The following CCL15 variants were observed in gnomAD, a reference collection of about 807,000 sequenced individuals.
The protein encoded by CCL15 is C-C motif chemokine 15.
A neutral mutation model predicts 10.6 loss-of-function variants in CCL15; 8 were observed. The observed-to-expected ratio is 0.75, with a 90% CI of 0.44 to 1.36. CCL15 has a LOEUF of 1.36. CCL15 is among the 40% of genes most tolerant of loss of function. CCL15 has a pLI of 0.00. For synonymous variants in CCL15, 51 were observed against 48.8 expected, an observed-to-expected ratio of 1.04 and a Z score of -0.19; for missense variants, 128 against 136.6, an observed-to-expected ratio of 0.94 and a Z score of 0.32.
rs141810667 is a variant in CCL15 at position 35,998,904 on chromosome 17, A to G, written c.98T>C (p.Met33Thr). The stretch of plus-strand genomic sequence containing the variant: ...TGGATTTTCCAGTGGAAGCTTTGAC[A>G]TCATTAACTCTGTCTCTGCATCTGA... ...FTNDAETELM[M>T]SKLPLENPVV... Residue 33 changes from methionine to threonine, a missense_variant, in exon 2 of 4, where the codon ATG (methionine) becomes ACG (threonine). Physicochemically the swap from Met to Thr is moderately conservative, Grantham distance 81. Transcript: ENST00000617897. 4.6e-5 allele frequency: 75 copies of G among 1,613,882 alleles called. 1 individual carries two copies. Among genetic ancestry groups the G allele is most frequent in the Non-Finnish European group, 6.2e-5 (73 of 1,179,824 alleles).
rs750227963 is a variant in CCL15 at position 35,998,309 on chromosome 17, C to G, written c.219G>C (p.Thr73=). ...PCSLMKSYFE[T]SSECSKPGVI... ...CACCTGGCTTGGAGCACTCGCTGCT[C>G]GTTTCAAAATAACTTTTCATGAGTG... is the stretch of plus-strand genomic sequence containing the variant. The change falls in exon 3 of 4, where the codon ACG becomes ACC. Residue 73 remains threonine (T), a synonymous_variant. Transcript: ENST00000617897. 5.6e-6 allele frequency: 9 copies of G among 1,613,814 alleles called. No homozygotes were observed. The highest frequency in any genetic ancestry group is 7.6e-6 in the Non-Finnish European group (9 of 1,179,870).
At chr17:36,000,785 G>A (rs2089985988) in intron 1 of CCL15, among the ~76,000 whole-genome samples, 1 of 151,732 alleles carries the variant, frequency 6.6e-6, no homozygotes, top group African/African-American at 2.4e-5. Context: ...CCCAATAAAG[G>A]TTCTGGCATA....
intron 1 of CCL15, among the ~76,000 whole-genome samples, chr17:35,999,386 A>G (rs1193119926): frequency 6.6e-6 from 1 of 152,180 alleles, no homozygotes; most frequent in East Asian, 1.9e-4. Flanking sequence ...TGTTTGCTAC[A>G]GAAAAATTGC....
intron 3 of CCL15, 109 bp from the exon 4 acceptor site, chr17:35,997,969 TC>T: frequency 2.6e-6 from 2 of 764,994 alleles, no homozygotes; most frequent in Non-Finnish European, 4.6e-6. Context: ...GCCTGTTTTT[TC>T]CTTTCTCTGC....
chr17:36,000,860 A>G (rs977137613), intron 1 of CCL15, among the ~76,000 whole-genome samples: 1 of 151,546 alleles, frequency 6.6e-6, no homozygotes, highest in Non-Finnish European at 1.5e-5. Context: ...CCTGCCCTGG[A>G]TGCTTCCCTT....
chr17:35,997,655 C>A lies in CCL15; in HGVS notation c.*112G>T, dbSNP rs187293873. On this transcript the variant is annotated 3_prime_UTR_variant, in exon 4 of 4. Transcript: ENST00000617897. ...AAAATTGAATACTCTTTATTAGATG[C>A]ATTACTTTCATTACCAGACACAACA... 37 of 657,596 alleles carry A rather than the reference C, an allele frequency of 5.6e-5. No homozygotes were observed. In the Admixed American group the frequency reaches 9.0e-4, roughly 16 times the overall value. 40.7% of individuals were successfully genotyped at this position (657,596 alleles called of 1,614,324 possible).
rs184585506 is a variant in CCL15 at position 36,001,368 on chromosome 17, T to C, written c.76+49A>G. ...TCACAACATGTCTCCGTCCCAGAGCTTGAGTTACCATGGACCTGGTCACCT... is the reference window on the plus strand; with the variant it reads ...TCACAACATGTCTCCGTCCCAGAGCCTGAGTTACCATGGACCTGGTCACCT... On this transcript the variant is annotated intron_variant, in intron 1 of 3. Transcript: ENST00000617897. 50 of 1,611,280 alleles carry C rather than the reference T, an allele frequency of 3.1e-5. No individual in the cohort carries two copies. In the African/African-American group the frequency reaches 6.1e-4, roughly 20 times the overall value.
chr17:35,998,214 G>T, intron 3 of CCL15, 66 bp downstream of exon 3: 2 of 1,061,076 alleles, frequency 1.9e-6, no homozygotes, highest in Non-Finnish European at 2.9e-6. Flanking sequence ...CATCCGTCGT[G>T]TCCTCCCTGC....
intron 1 of CCL15, among the ~76,000 whole-genome samples, chr17:35,999,514 G>T (rs2089963561): frequency 6.6e-6 from 1 of 151,228 alleles, no homozygotes; most frequent in South Asian, 2.1e-4. Context: ...CCCAGGCTGG[G>T]GCGCAGTGGT....
At chr17:36,000,235 G>T (rs937443694) in intron 1 of CCL15, among the ~76,000 whole-genome samples, 2 of 151,848 alleles carry the variant, frequency 1.3e-5, no homozygotes, top group Non-Finnish European at 2.9e-5. Context: ...GCCGAGGTGG[G>T]CGGATCACCT....
chr17:36,000,150 C>CA (rs71157587), intron 1 of CCL15, among the ~76,000 whole-genome samples: 10,469 of 63,466 alleles, frequency 0.16, 883 homozygotes, highest in East Asian at 0.41. Context: ...GACTCCATCT[C>CA]AAAAAAAAAA....
At chr17:35,998,745 A>G (rs956364173) in intron 2 of CCL15, 121 bp downstream of exon 2, 27 of 837,920 alleles carry the variant, frequency 3.2e-5, no homozygotes, top group Middle Eastern at 2.6e-4. Flanking sequence ...CCTTGGAGAT[A>G]TTCACCACCC....
At chr17:35,998,734 C>T (rs864104) in intron 2 of CCL15, 132 bp downstream of exon 2, 223,734 of 778,884 alleles carry the variant, frequency 0.29, 42,978 homozygotes, top group African/African-American at 0.8. Context: ...GTCCTGATCT[C>T]CCTTGGAGAT....
chr17:35,997,804 T>G lies in CCL15; in HGVS notation c.305A>C (p.Gln102Pro). 6.2e-7 allele frequency: 1 copy of G among 1,614,038 alleles called. No homozygotes were observed. The highest frequency in any genetic ancestry group is 1.1e-5 in the South Asian group (1 of 91,064). The change falls in exon 4 of 4, where the codon CAG becomes CCG. Residue 102 changes from glutamine to proline, a missense_variant. Coordinates refer to ENST00000617897, the MANE Select transcript of CCL15 (RefSeq NM_032965.6). ...VCAKPSGPGV[Q>P]DCMKKLKPYS... is the part of the protein sequence containing the mutation. ...GGGCTTCAGCTTTTTCATGCAATCC[T>G]GAACTCCCGGACCACTGGGTTTGGC... is the stretch of plus-strand genomic sequence containing the variant.
rs2089930031 is a variant in CCL15, at chr17:35,997,634, T to C, written c.*133A>G. 2 of 593,294 alleles carry C rather than the reference T, an allele frequency of 3.4e-6. No individual in the cohort carries two copies. The highest frequency in any genetic ancestry group is 4.6e-5 in the South Asian group (2 of 43,280). The allele number at this position is 593,294 out of a possible 1,614,324, so 36.8% of individuals were successfully genotyped here. A position where few individuals can be genotyped will look rare whatever the true frequency, so the allele number is the denominator to read the frequency against. On this transcript the variant is annotated 3_prime_UTR_variant, in exon 4 of 4. Coordinates refer to ENST00000617897, the MANE Select transcript of CCL15 (RefSeq NM_032965.6). ...TTAAAACTCAAGCAAAGTTAAAAAA[T>C]TGAATACTCTTTATTAGATGCATTA... is the stretch of plus-strand genomic sequence containing the variant.
In CCL15 at chr17:35,997,813, G is replaced by C. The variant is rs150213949; in HGVS notation, c.296C>G (p.Pro99Arg). ...GRQVCAKPSG[P>R]GVQDCMKKLK... The stretch of plus-strand genomic sequence containing the variant: ...CTTTTTCATGCAATCCTGAACTCCC[G>C]GACCACTGGGTTTGGCACAGACTTG... Residue 99 changes from proline to arginine, a missense_variant, in exon 4 of 4, where the codon CCG (proline) becomes CGG (arginine). Pro to Arg is a moderately radical substitution (Grantham distance 103). Transcript: ENST00000617897. 6.8e-6 allele frequency: 11 copies of C among 1,613,864 alleles called. No individual in the cohort carries two copies. Among genetic ancestry groups the C allele is most frequent in the Non-Finnish European group, 9.3e-6 (11 of 1,179,924 alleles).
At chr17:35,998,460 G>A in intron 2 of CCL15, 69 bp from the exon 3 acceptor site, 1 of 1,051,982 alleles carries the variant, frequency 9.5e-7, no homozygotes, top group Non-Finnish European at 1.5e-6. Context: ...GGGTGAGAAG[G>A]CACAAGCCTC....
In CCL15 at chr17:36,000,075, G is replaced by A. The variant is rs552988512; in HGVS notation, c.77-1150C>T. On this transcript the variant is annotated intron_variant, in intron 1 of 3. Transcript: ENST00000617897. ...CTGAGGCAGGAGAATGGCGTGAACC[G>A]GGGAGGCGGAGCTTGCAGTGAGCTG... is the stretch of plus-strand genomic sequence containing the variant. 4.3e-3 allele frequency among the ~76,000 whole-genome samples: 654 copies of A among 151,118 alleles called. 3 individuals carry two copies. Among genetic ancestry groups the A allele is most frequent in the Non-Finnish European group, 7.0e-3 (476 of 67,738 alleles).
At chr17:35,998,823 C>G in intron 2 of CCL15, 43 bp downstream of exon 2, 1 of 1,490,242 alleles carries the variant, frequency 6.7e-7, no homozygotes, top group South Asian at 1.1e-5. Flanking sequence ...CAGACCTGCA[C>G]CTGCTGGCTG....
Sources: allele counts gnomAD v4.1 joint callset (sites outside exome capture counted in the v4.1 genomes callset), GRCh38; gene constraint gnomAD v4.1.1; transcripts MANE v1.5; gene names NCBI Gene and HGNC (gene_info 2026-07-23, HGNC 2026-07-21).